The following WWOX variants were observed in gnomAD, a reference collection of about 807,000 sequenced individuals.
WWOX encodes the protein WW domain containing oxidoreductase.
WWOX carries 69 observed loss-of-function variants against 46.2 expected under a neutral mutation model. The ratio of observed to expected loss-of-function variants is 1.49; its 90% CI spans 1.23 to 1.82. The LOEUF is 1.82. Among genes scored for constraint, WWOX ranks in the 40% most tolerant of loss-of-function variants. The pLI is 0.00. For missense variants in WWOX, 919 were observed against 542.6 expected (o/e 1.69, Z -6.89); for synonymous variants, 359 against 202.6 (o/e 1.77, Z -6.56).
intron 5 of WWOX, among the ~76,000 whole-genome samples, chr16:78,270,883 A>G (rs2079463280): frequency 6.6e-6 from 1 of 152,220 alleles, no homozygotes; most frequent in Non-Finnish European, 1.5e-5. Flanking sequence ...TGGCCCGAAG[A>G]TGAAGGTACT....
intron 8 of WWOX, among the ~76,000 whole-genome samples, chr16:79,047,767 A>G (rs2048093364): frequency 7.3e-6 from 1 of 137,278 alleles, no homozygotes. Flanking sequence ...TATTCCAGGT[A>G]CTTGGTGACT....
At chr16:78,318,941 G>A (rs937240375) in intron 5 of WWOX, among the ~76,000 whole-genome samples, 4 of 152,068 alleles carry the variant, frequency 2.6e-5, no homozygotes, top group Non-Finnish European at 5.9e-5. Context: ...CCTAATCCGC[G>A]GAAACTATGG....
chr16:78,992,739 G>A (rs1216247566), intron 8 of WWOX, among the ~76,000 whole-genome samples: 7 of 152,056 alleles, frequency 4.6e-5, no homozygotes, highest in South Asian at 2.1e-4. Flanking sequence ...AGAGGAAATC[G>A]CCTGCCAGGG....
At chr16:78,945,153 C>G (rs545933334) in intron 8 of WWOX, among the ~76,000 whole-genome samples, 5 of 152,118 alleles carry the variant, frequency 3.3e-5, no homozygotes, top group Non-Finnish European at 7.4e-5. Context: ...GGAGTCCACC[C>G]TGGGTGACAG....
chr16:78,708,745 A>G (rs1278778121), intron 8 of WWOX, among the ~76,000 whole-genome samples: 1 of 152,236 alleles, frequency 6.6e-6, no homozygotes, highest in East Asian at 1.9e-4. Context: ...TTAAAAAATT[A>G]AAAAGATACA....
chr16:78,358,459 AC>A (rs2081341962), intron 5 of WWOX, among the ~76,000 whole-genome samples: 1 of 152,154 alleles, frequency 6.6e-6, no homozygotes, highest in Admixed American at 6.5e-5. Context: ...GGAGTTTGAG[AC>A]CAGCCTGGCC....
At chr16:78,661,630 G>T (rs1044698778) in intron 8 of WWOX, among the ~76,000 whole-genome samples, 1 of 148,234 alleles carries the variant, frequency 6.7e-6, no homozygotes, top group Non-Finnish European at 1.5e-5. Context: ...TCTTGGAAGA[G>T]ATGTGTTGCT....
chr16:79,105,336 G>A (rs759325171), intron 8 of WWOX, among the ~76,000 whole-genome samples: 18 of 152,132 alleles, frequency 1.2e-4, no homozygotes, highest in Non-Finnish European at 2.1e-4. Flanking sequence ...AACAAAAGCA[G>A]AACGGTCATC....
chr16:79,026,762 C>T lies in WWOX; in HGVS notation c.1057-184846C>T, dbSNP rs902641060. 1.1e-4 allele frequency among the ~76,000 whole-genome samples: 17 copies of T among 148,892 alleles called. 1 individual carries two copies. Among genetic ancestry groups the T allele is most frequent in the East Asian group, 2.0e-4 (1 of 5,004 alleles). On this transcript the variant is annotated intron_variant, in intron 8 of 8. Coordinates refer to ENST00000566780, the MANE Select transcript of WWOX (RefSeq NM_016373.4). ...CGTCCCAAGTAGCTGGGAGTACAGG[C>T]GACTGCCACCACGCCCGGCTAATTT...
chr16:78,691,347 A>G (rs746927364), intron 8 of WWOX: 7 of 694,808 alleles, frequency 1.0e-5, no homozygotes, highest in Non-Finnish European at 1.8e-5. Flanking sequence ...ACATAGCTTT[A>G]TCTTATGACA....
intron 8 of WWOX, among the ~76,000 whole-genome samples, chr16:79,088,282 G>A (rs1162672250): frequency 2.0e-5 from 3 of 152,176 alleles, no homozygotes; most frequent in African/African-American, 7.2e-5. Context: ...GGTAAAGGGA[G>A]GACGCAGAGC....
At chr16:78,539,862 T>G (rs563191973) in intron 8 of WWOX, among the ~76,000 whole-genome samples, 2 of 152,282 alleles carry the variant, frequency 1.3e-5, no homozygotes, top group East Asian at 1.9e-4. Flanking sequence ...GTACCTCTAT[T>G]GGGAAATTTA....
intron 8 of WWOX, among the ~76,000 whole-genome samples, chr16:78,647,112 C>A (rs116349359): frequency 9.8e-5 from 15 of 152,298 alleles, no homozygotes; most frequent in Non-Finnish European, 1.9e-4. Flanking sequence ...TGAAACTGCC[C>A]AGTGCCCCAA....
rs181934705 is a variant in WWOX, at chr16:79,157,613, A to C, written c.1057-53995A>C. ...TGGCTATCTGGAGATGTTTTAAAATACAGGTTTTATTATTATTTAGGTATG... is the reference window on the plus strand; with the variant it reads ...TGGCTATCTGGAGATGTTTTAAAATCCAGGTTTTATTATTATTTAGGTATG... On this transcript the variant is annotated intron_variant, in intron 8 of 8. Transcript: ENST00000566780. Among the ~76,000 whole-genome samples the C allele has an allele frequency of 9.9e-5, 15 of 152,276 alleles. No homozygotes were observed. In the East Asian group the frequency reaches 2.9e-3, roughly 29 times the overall value.
chr16:78,170,644 T>C (rs568054216), intron 5 of WWOX, among the ~76,000 whole-genome samples: 1 of 152,374 alleles, frequency 6.6e-6, no homozygotes, highest in Admixed American at 6.5e-5. Flanking sequence ...GATTAGTATT[T>C]TCCAGTGTAG....
intron 5 of WWOX, among the ~76,000 whole-genome samples, chr16:78,263,331 AC>A (rs1353699439): frequency 6.6e-6 from 1 of 152,170 alleles, no homozygotes; most frequent in African/African-American, 2.4e-5. Flanking sequence ...TATTGGACAG[AC>A]CTGAGTCATG....
At chr16:78,192,150 AAATCTGCATAAGTACCCCCTT>A (rs2035901427) in intron 5 of WWOX, among the ~76,000 whole-genome samples, 3 of 152,310 alleles carry the variant, frequency 2.0e-5, no homozygotes, top group Non-Finnish European at 4.4e-5. Flanking sequence ...CTCATGTAAC[AAATCTGCATAAGTACCCCCTT>A]AATCTGAAAT....
intron 8 of WWOX, chr16:79,090,109 G>C (rs1487496466): frequency 6.6e-6 from 1 of 152,008 alleles, no homozygotes; most frequent in Non-Finnish European, 1.5e-5. Flanking sequence ...GAAAAAAGGG[G>C]CTTTAATCAA....
chr16:78,965,332 G>A (rs537719615), intron 8 of WWOX, among the ~76,000 whole-genome samples: 1 of 152,242 alleles, frequency 6.6e-6, no homozygotes, highest in African/African-American at 2.4e-5. Context: ...ACGTTGGGAG[G>A]CTGAGGTGGG....
Sources: gnomAD v4.1 joint callset for allele counts (sites outside exome capture counted in the v4.1 genomes callset) on GRCh38, gnomAD v4.1.1 for gene constraint, MANE v1.5 for transcripts, NCBI Gene and HGNC (gene_info 2026-07-23, HGNC 2026-07-21) for gene names.